Variants in FRMD4A observed in about 807,000 individuals in gnomAD.
FRMD4A encodes the protein FERM domain-containing protein 4A.
FRMD4A carries 29 observed loss-of-function variants against 129.1 expected under a neutral mutation model. The ratio of observed to expected loss-of-function variants is 0.22; its 90% CI spans 0.17 to 0.31. The LOEUF is 0.31. Among genes scored for constraint, FRMD4A ranks in the 10% least tolerant of loss-of-function variants. FRMD4A has a pLI of 1.00. For synonymous variants in FRMD4A, 634 were observed against 571.6 expected (o/e 1.11, Z -1.56); for missense variants, 1,272 against 1,375.8 (o/e 0.92, Z 1.19).
chr10:14,140,876 C>G (rs1417647690), intron 2 of FRMD4A, among the ~76,000 whole-genome samples: 1 of 152,084 alleles, frequency 6.6e-6, no homozygotes, highest in Non-Finnish European at 1.5e-5. Flanking sequence ...ACCACCTCTC[C>G]CAAATAAAGC....
intron 12 of FRMD4A, among the ~76,000 whole-genome samples, chr10:13,717,735 A>C (rs1396741164): frequency 3.3e-5 from 4 of 120,018 alleles, no homozygotes; most frequent in African/African-American, 1.0e-4. Context: ...GGGGGTTGGC[A>C]GTTGGCATTT....
chr10:13,658,150 A>G (rs1032677153), intron 21 of FRMD4A, among the ~76,000 whole-genome samples: 4 of 150,970 alleles, frequency 2.6e-5, no homozygotes, highest in South Asian at 4.2e-4. Context: ...AAAAAAAAAA[A>G]AAAAAAAGAA....
At chr10:14,266,403 A>G (rs968745557) in intron 2 of FRMD4A, among the ~76,000 whole-genome samples, 1 of 152,116 alleles carries the variant, frequency 6.6e-6, no homozygotes, top group Non-Finnish European at 1.5e-5. Context: ...AAGATTATAA[A>G]TAATATTTTC....
Position 13,884,192 on chromosome 10 carries a change from A to T in FRMD4A, c.46-25280T>A, listed in dbSNP as rs1388973451. 1.5e-3 allele frequency among the ~76,000 whole-genome samples: 140 copies of T among 91,976 alleles called. 2 individuals are homozygous for T. The highest frequency in any genetic ancestry group is 5.4e-3 in the African/African-American group (127 of 23,538). 60.3% of individuals were successfully genotyped at this position (91,976 alleles called of 152,430 possible). A position where few individuals can be genotyped will look rare whatever the true frequency, so the allele number is the denominator to read the frequency against. ...CTCACACACTCACACACACACACAC[A>T]CACTCACACACACACTCACACACAC... is the stretch of plus-strand genomic sequence containing the variant. On this transcript the variant is annotated intron_variant, in intron 2 of 24. Transcript: ENST00000357447.
chr10:13,798,367 G>A (rs892604953), intron 4 of FRMD4A, among the ~76,000 whole-genome samples: 2 of 151,906 alleles, frequency 1.3e-5, no homozygotes, highest in Admixed American at 1.3e-4. Flanking sequence ...AGCTGAGATC[G>A]CGCCATTGCA....
chr10:13,693,467 G>C, intron 15 of FRMD4A: 6 of 1,114,016 alleles, frequency 5.4e-6, no homozygotes, highest in Non-Finnish European at 6.7e-6. Context: ...ATTTTTAAAA[G>C]CCGGAGAAAC....
Position 13,782,934 on chromosome 10 carries a change from G to T in FRMD4A, c.372C>A (p.Ser124=). 2 of 1,422,052 alleles carry T rather than the reference G, an allele frequency of 1.4e-6. No individual in the cohort carries two copies. The highest frequency in any genetic ancestry group is 1.1e-5 in the South Asian group (1 of 87,206). The allele number at this position is 1,422,052 out of a possible 1,614,324, so 88.1% of individuals were successfully genotyped here. A position where few individuals can be genotyped will look rare whatever the true frequency, so the allele number is the denominator to read the frequency against. The change falls in exon 6 of 25, where the codon TCC becomes TCA. Residue 124 remains serine, a synonymous_variant. Coordinates refer to ENST00000357447, the MANE Select transcript of FRMD4A (RefSeq NM_018027.5). ...TIELFFLNAK[S]CIYKELIDVD... ...AGGGAGTTCCTACCTTGTAGATGCA[G>T]GACTTCGCGTTCAGAAAGAAAAGCT...
At position 13,895,623 on chromosome 10, in the gene FRMD4A, G is replaced by A. The variant is rs76565291; in HGVS notation, c.46-36711C>T. On this transcript the variant is annotated intron_variant, in intron 2 of 24. Transcript: ENST00000357447. ...TTTGAAATACTAACAGAAATAGGTC[G>A]TGATGACTAAAACACCAAAAGCAAT... is the stretch of plus-strand genomic sequence containing the variant. Among the ~76,000 whole-genome samples, 1,855 of 152,240 alleles carry A rather than the reference G, an allele frequency of 0.012. 94 individuals carry two copies. In the East Asian group the frequency reaches 0.17, roughly 14 times the overall value.
intron 4 of FRMD4A, among the ~76,000 whole-genome samples, chr10:13,798,430 C>T (rs1180421766): frequency 2.0e-5 from 3 of 149,232 alleles, no homozygotes; most frequent in East Asian, 4.0e-4. Flanking sequence ...ATAAATAGGA[C>T]GGGCGTGGTG....
At chr10:13,668,988 A>G (rs906399316) in intron 17 of FRMD4A, among the ~76,000 whole-genome samples, 5 of 151,278 alleles carry the variant, frequency 3.3e-5, no homozygotes, top group Admixed American at 3.3e-4. Flanking sequence ...ATTCAATCCC[A>G]GGGACACCCC....
intron 2 of FRMD4A, among the ~76,000 whole-genome samples, chr10:13,929,636 C>T (rs912119263): frequency 6.6e-6 from 1 of 152,152 alleles, no homozygotes; most frequent in African/African-American, 2.4e-5. Context: ...AACAGCACTC[C>T]CCAAAGCTGG....
intron 2 of FRMD4A, among the ~76,000 whole-genome samples, chr10:14,267,745 G>C (rs1392627527): frequency 2.0e-4 from 31 of 152,116 alleles, no homozygotes; most frequent in Admixed American, 2.0e-3. Context: ...TTTTAAATTT[G>C]GGTCCTTTAT....
At chr10:14,151,298 G>A (rs892083304) in intron 2 of FRMD4A, among the ~76,000 whole-genome samples, 2 of 152,140 alleles carry the variant, frequency 1.3e-5, no homozygotes, top group African/African-American at 4.8e-5. Context: ...AGGAAAATGT[G>A]GTACATGTAC....
At chr10:13,653,973 T>C (rs1441698628) in intron 23 of FRMD4A, 1 of 242,798 alleles carries the variant, frequency 4.1e-6, no homozygotes, top group Non-Finnish European at 7.9e-6. Context: ...CACAGCCCTT[T>C]TTCTTGCACC....
At chr10:14,291,335 A>G (rs1156809236) in intron 2 of FRMD4A, among the ~76,000 whole-genome samples, 2 of 152,172 alleles carry the variant, frequency 1.3e-5, no homozygotes, top group Non-Finnish European at 2.9e-5. Flanking sequence ...AAAATCAGGT[A>G]GCCTGACAAC....
intron 2 of FRMD4A, among the ~76,000 whole-genome samples, chr10:13,930,660 T>A (rs915227932): frequency 8.5e-5 from 13 of 152,148 alleles, no homozygotes; most frequent in Admixed American, 3.3e-4. Flanking sequence ...ATACAGGGAC[T>A]GCAGCTTTAG....
At chr10:14,028,031 G>T (rs376893814) in intron 2 of FRMD4A, among the ~76,000 whole-genome samples, 1 of 152,146 alleles carries the variant, frequency 6.6e-6, no homozygotes, top group Non-Finnish European at 1.5e-5. Flanking sequence ...GCAAGTTCAC[G>T]GGTGTCAGTG....
intron 2 of FRMD4A, among the ~76,000 whole-genome samples, chr10:14,235,562 C>A (rs894664032): frequency 6.6e-6 from 1 of 152,152 alleles, no homozygotes; most frequent in African/African-American, 2.4e-5. Flanking sequence ...TAACACCTAT[C>A]CATTTGTTAC....
chr10:13,700,672 C>T (rs1204788290), intron 14 of FRMD4A, among the ~76,000 whole-genome samples: 2 of 151,974 alleles, frequency 1.3e-5, no homozygotes, highest in African/African-American at 2.4e-5. Context: ...TTGATATAAG[C>T]CCTGTGTGAA....
Sources: allele counts gnomAD v4.1 joint callset (sites outside exome capture counted in the v4.1 genomes callset), GRCh38; gene constraint gnomAD v4.1.1; transcripts MANE v1.5; gene names NCBI Gene and HGNC (gene_info 2026-07-23, HGNC 2026-07-21).